The following PTPRM variants were observed in gnomAD, a reference collection of about 807,000 sequenced individuals.
PTPRM encodes protein tyrosine phosphatase receptor type M.
In PTPRM, 47 loss-of-function variants were observed where a neutral mutation model predicts 186.7. The ratio of observed to expected loss-of-function variants is 0.25; its 90% CI spans 0.20 to 0.32. The LOEUF is 0.32. PTPRM is among the 10% of genes least tolerant of loss of function. The pLI is 1.00. For missense variants in PTPRM, 1,494 were observed against 1,865.0 expected (o/e 0.80, Z 3.66); for synonymous variants, 668 against 674.9 (o/e 0.99, Z 0.16).
At chr18:7,607,647 C>T (rs962885158) in intron 1 of PTPRM, among the ~76,000 whole-genome samples, 1 of 152,240 alleles carries the variant, frequency 6.6e-6, no homozygotes, top group African/African-American at 2.4e-5. Flanking sequence ...AAAGATTTCT[C>T]CTGCATGTGC....
At chr18:8,283,146 T>A (rs369209628) in intron 19 of PTPRM, among the ~76,000 whole-genome samples, 2 of 152,234 alleles carry the variant, frequency 1.3e-5, no homozygotes, top group East Asian at 3.9e-4. Context: ...TGATTGGAGA[T>A]CTACACTTAA....
At chr18:7,778,570 C>T (rs1242569308) in intron 2 of PTPRM, among the ~76,000 whole-genome samples, 1 of 152,058 alleles carries the variant, frequency 6.6e-6, no homozygotes, top group Non-Finnish European at 1.5e-5. Flanking sequence ...TACCTTCCCG[C>T]CCTGGTTCAA....
chr18:8,295,976 A>G (rs145002110), intron 19 of PTPRM, among the ~76,000 whole-genome samples: 62 of 152,348 alleles, frequency 4.1e-4, no homozygotes, highest in African/African-American at 1.5e-3. Context: ...ATTAGGGAGA[A>G]AAAGACATCA....
intron 23 of PTPRM, among the ~76,000 whole-genome samples, chr18:8,370,549 A>G (rs2095657544): frequency 6.6e-6 from 1 of 152,216 alleles, no homozygotes; most frequent in African/African-American, 2.4e-5. Flanking sequence ...GAAGAGCTAA[A>G]ATATTGCAAA....
chr18:8,195,554 AG>A (rs1380838219), intron 14 of PTPRM, among the ~76,000 whole-genome samples: 3 of 152,252 alleles, frequency 2.0e-5, no homozygotes, highest in Non-Finnish European at 4.4e-5. Context: ...GATACTATTT[AG>A]CCATTAAAGA....
chr18:8,020,210 A>G (rs984652958), intron 7 of PTPRM, among the ~76,000 whole-genome samples: 2 of 152,164 alleles, frequency 1.3e-5, no homozygotes, highest in Non-Finnish European at 2.9e-5. Context: ...TCTCACTCCA[A>G]TCTTTTTTTC....
At chr18:8,386,356 A>G (rs1215650077) in intron 30 of PTPRM, among the ~76,000 whole-genome samples, 1 of 152,086 alleles carries the variant, frequency 6.6e-6, no homozygotes, top group African/African-American at 2.4e-5. Flanking sequence ...TGTCAGCAAG[A>G]GGTCTGGGAG....
intron 1 of PTPRM, among the ~76,000 whole-genome samples, chr18:7,681,871 C>A (rs2144578863): frequency 6.6e-6 from 1 of 152,256 alleles, no homozygotes; most frequent in East Asian, 1.9e-4. Context: ...CTGGAAGTCC[C>A]CAGAGGTCTC....
chr18:8,359,307 C>T (rs1275835291), intron 23 of PTPRM, among the ~76,000 whole-genome samples: 2 of 152,242 alleles, frequency 1.3e-5, no homozygotes, highest in East Asian at 3.9e-4. Flanking sequence ...CCTGGCTCCT[C>T]CAGGTAACTG....
At chr18:7,705,390 T>C (rs1417080389) in intron 1 of PTPRM, among the ~76,000 whole-genome samples, 1 of 149,756 alleles carries the variant, frequency 6.7e-6, no homozygotes, top group Non-Finnish European at 1.5e-5. Flanking sequence ...CCTATCTGCC[T>C]CTCTCTTTCT....
intron 1 of PTPRM, among the ~76,000 whole-genome samples, chr18:7,690,369 A>G (rs756283338): frequency 6.6e-6 from 1 of 152,258 alleles, no homozygotes; most frequent in Non-Finnish European, 1.5e-5. Flanking sequence ...CTCTCAAGGT[A>G]CATAGTTAAC....
intron 6 of PTPRM, among the ~76,000 whole-genome samples, chr18:7,954,187 CAAT>C (rs374703705): frequency 9.2e-5 from 14 of 152,234 alleles, no homozygotes; most frequent in African/African-American, 3.1e-4. Flanking sequence ...ATAAGATTGA[CAAT>C]GATATAGGAA....
chr18:7,588,164 C>G (rs182945099), intron 1 of PTPRM, among the ~76,000 whole-genome samples: 1 of 152,086 alleles, frequency 6.6e-6, no homozygotes, highest in African/African-American at 2.4e-5. Flanking sequence ...TGCTATTTTT[C>G]TGGTAAATGT....
intron 1 of PTPRM, among the ~76,000 whole-genome samples, chr18:7,578,619 G>A (rs1420077326): frequency 6.6e-6 from 1 of 151,304 alleles, no homozygotes; most frequent in Admixed American, 6.6e-5. Context: ...ACAGGCGTGA[G>A]CCACAGCGCC....
At chr18:8,394,013 C>G (rs915811715) in intron 31 of PTPRM, among the ~76,000 whole-genome samples, 5 of 152,116 alleles carry the variant, frequency 3.3e-5, no homozygotes, top group Admixed American at 2.0e-4. Context: ...AGGAAGGTCT[C>G]GATCTCCTGA....
chr18:8,300,713 G>A (rs932364039), intron 20 of PTPRM, among the ~76,000 whole-genome samples: 11 of 152,000 alleles, frequency 7.2e-5, no homozygotes, highest in Non-Finnish European at 1.2e-4. Context: ...AGCCCCCACC[G>A]CCCTCCATCC....
chr18:7,960,450 C>CATATATATAT (rs71354579), intron 7 of PTPRM, among the ~76,000 whole-genome samples: 165 of 120,510 alleles, frequency 1.4e-3, no homozygotes, highest in Middle Eastern at 4.2e-3. Context: ...ATATAGGCAA[C>CATATATATAT]ATATATATAT....
At chr18:7,881,199 C>T (rs140751103) in intron 2 of PTPRM, among the ~76,000 whole-genome samples, 2 of 152,240 alleles carry the variant, frequency 1.3e-5, no homozygotes, top group African/African-American at 4.8e-5. Flanking sequence ...ACTTGGGAGG[C>T]TGAGGCAAGT....
At chr18:7,981,827 C>T (rs1363490372) in intron 7 of PTPRM, among the ~76,000 whole-genome samples, 1 of 152,182 alleles carries the variant, frequency 6.6e-6, no homozygotes, top group Non-Finnish European at 1.5e-5. Flanking sequence ...GTATTGAATG[C>T]TGTAGACTCT....
Sources: allele counts gnomAD v4.1 joint callset (sites outside exome capture counted in the v4.1 genomes callset), GRCh38; gene constraint gnomAD v4.1.1; transcripts MANE v1.5; gene names NCBI Gene and HGNC (gene_info 2026-07-23, HGNC 2026-07-21).